NCKAP5: variants seen among roughly 807,000 people sequenced by gnomAD.
NCKAP5 encodes nck-associated protein 5.
Under a neutral mutation model 167.0 loss-of-function variants are expected in NCKAP5, and 92 were observed. The ratio of observed to expected loss-of-function variants is 0.55; its 90% CI spans 0.47 to 0.66. The LOEUF (loss-of-function observed/expected upper bound fraction) is 0.66. Among genes scored for constraint, NCKAP5 ranks in the 30% least tolerant of loss-of-function variants. NCKAP5 has a pLI of 0.00. For synonymous variants in NCKAP5, 891 were observed against 877.4 expected, an observed-to-expected ratio of 1.02 and a Z score of -0.27; for missense variants, 2,378 against 2,315.0, an observed-to-expected ratio of 1.03 and a Z score of -0.56.
At chr2:133,068,344 A>C (rs2080270441) in intron 6 of NCKAP5, among the ~76,000 whole-genome samples, 1 of 152,218 alleles carries the variant, frequency 6.6e-6, no homozygotes, top group Non-Finnish European at 1.5e-5. Context: ...TGGCCATGTG[A>C]AATTACACAT....
intron 11 of NCKAP5, among the ~76,000 whole-genome samples, chr2:132,814,607 G>A (rs1454565095): frequency 1.3e-5 from 2 of 152,066 alleles, no homozygotes; most frequent in Non-Finnish European, 2.9e-5. Flanking sequence ...GCAGGTTTCT[G>A]TTTCAGGCAT....
rs146025412 is a variant in NCKAP5 at position 133,339,282 on chromosome 2, C to T, written c.70-36172G>A. On this transcript the variant is annotated intron_variant, in intron 3 of 19. Coordinates refer to ENST00000409261, the MANE Select transcript of NCKAP5 (RefSeq NM_207363.3). ...TAGAAATAATGAGAAGTTTATGGAA[C>T]TTTTTCTCTTTTGATCTTTAAAAAG... is the stretch of plus-strand genomic sequence containing the variant. Among the ~76,000 whole-genome samples the T allele has an allele frequency of 7.5e-3, 1,134 of 152,026 alleles. 16 individuals are homozygous for T. Among genetic ancestry groups the T allele is most frequent in the African/African-American group, 0.024 (984 of 41,474 alleles).
chr2:133,257,423 A>T (rs1010004999), intron 4 of NCKAP5, among the ~76,000 whole-genome samples: 1 of 152,210 alleles, frequency 6.6e-6, no homozygotes, highest in African/African-American at 2.4e-5. Context: ...CAGAGAACAA[A>T]TGAGTTATTA....
At position 133,519,837 on chromosome 2, in the gene NCKAP5, C is replaced by T. The variant is rs528793690; in HGVS notation, c.-61-2250G>A. On this transcript the variant is annotated intron_variant, in intron 2 of 19. Coordinates refer to ENST00000409261, the MANE Select transcript of NCKAP5 (RefSeq NM_207363.3). ...GGCATATAGAAAACAAGCAAACAAA[C>T]AGCTCTAAACTGTGGTAGGTACAGT... is the stretch of plus-strand genomic sequence containing the variant. Among the ~76,000 whole-genome samples, 12 of 152,256 alleles carry T rather than the reference C, an allele frequency of 7.9e-5. 1 individual carries two copies. In the South Asian group the frequency reaches 2.5e-3, roughly 32 times the overall value.
At chr2:133,551,413 A>G (rs1687281954) in intron 2 of NCKAP5, among the ~76,000 whole-genome samples, 2 of 121,124 alleles carry the variant, frequency 1.7e-5, no homozygotes, top group South Asian at 6.1e-4. Flanking sequence ...TCAATGGAAC[A>G]GAACAGAGCC....
intron 6 of NCKAP5, among the ~76,000 whole-genome samples, chr2:133,052,543 A>G (rs2079641659): frequency 6.6e-6 from 1 of 151,688 alleles, no homozygotes; most frequent in Non-Finnish European, 1.5e-5. Flanking sequence ...AATGGCGAAA[A>G]CTCATCTCTA....
intron 6 of NCKAP5, among the ~76,000 whole-genome samples, chr2:133,119,863 AT>A (rs1336778844): frequency 6.6e-6 from 1 of 151,562 alleles, no homozygotes; most frequent in Non-Finnish European, 1.5e-5. Flanking sequence ...ATTAATATAT[AT>A]GATTCGATAT....
At chr2:132,793,794 G>A (rs1684265594) in intron 12 of NCKAP5, among the ~76,000 whole-genome samples, 1 of 152,124 alleles carries the variant, frequency 6.6e-6, no homozygotes, top group Non-Finnish European at 1.5e-5. Flanking sequence ...AAGAAGAGGA[G>A]GCGGCCACTC....
chr2:132,893,356 TG>T (rs1444234532), intron 8 of NCKAP5, among the ~76,000 whole-genome samples: 1 of 152,184 alleles, frequency 6.6e-6, no homozygotes, highest in Non-Finnish European at 1.5e-5. Flanking sequence ...GGTGTACACA[TG>T]GGTTCACAGC....
At chr2:133,673,405 C>T in the NCKAP5 span, among the ~76,000 whole-genome samples, 8 of 152,102 alleles carry the variant, frequency 5.3e-5, no homozygotes, top group African/African-American at 1.9e-4. Context: ...AAGCTTTCTG[C>T]GTTCACACAT....
intron 8 of NCKAP5, among the ~76,000 whole-genome samples, chr2:132,910,554 A>G (rs1694364666): frequency 1.3e-5 from 2 of 152,198 alleles, no homozygotes; most frequent in Non-Finnish European, 2.9e-5. Context: ...TTCACTTAAC[A>G]TAATCACCTC....
chr2:132,923,410 G>A (rs1228003984), intron 8 of NCKAP5, among the ~76,000 whole-genome samples: 1 of 152,190 alleles, frequency 6.6e-6, no homozygotes, highest in Non-Finnish European at 1.5e-5. Context: ...GCACCAGATT[G>A]CCAAACAGCC....
At chr2:133,647,274 C>T in the NCKAP5 span, among the ~76,000 whole-genome samples, 1 of 150,516 alleles carries the variant, frequency 6.6e-6, no homozygotes, top group Non-Finnish European at 1.5e-5. Context: ...GAATTAGATG[C>T]TGCAATGAGC....
At chr2:132,881,488 C>T (rs1280997592) in intron 8 of NCKAP5, among the ~76,000 whole-genome samples, 3 of 151,030 alleles carry the variant, frequency 2.0e-5, no homozygotes, top group Non-Finnish European at 4.4e-5. Context: ...AATAGTTTGT[C>T]TTTTTATGTT....
intron 8 of NCKAP5, among the ~76,000 whole-genome samples, chr2:132,950,850 A>G (rs192210861): frequency 5.9e-5 from 9 of 152,276 alleles, no homozygotes; most frequent in Admixed American, 5.9e-4. Context: ...GATTACCAAA[A>G]CCAATTTGAC....
chr2:132,770,491 T>C (rs1681942082), intron 16 of NCKAP5, among the ~76,000 whole-genome samples: 1 of 149,944 alleles, frequency 6.7e-6, no homozygotes, highest in Admixed American at 6.7e-5. Flanking sequence ...ATTATTTATG[T>C]AATGGATTGT....
intron 3 of NCKAP5, among the ~76,000 whole-genome samples, chr2:133,423,447 CT>C (rs1245198658): frequency 2.0e-5 from 3 of 151,536 alleles, no homozygotes; most frequent in South Asian, 2.1e-4. Flanking sequence ...CAAGCCTGTT[CT>C]TTTTTTTTAA....
chr2:132,855,549 C>T (rs1574430712), intron 11 of NCKAP5, among the ~76,000 whole-genome samples: 1 of 152,178 alleles, frequency 6.6e-6, no homozygotes, highest in South Asian at 2.1e-4. Context: ...GAACTTATAT[C>T]CCAACAGCGT....
Position 133,334,641 on chromosome 2 carries a change from T to G in NCKAP5, c.70-31531A>C, listed in dbSNP as rs936964545. 5.3e-5 allele frequency among the ~76,000 whole-genome samples: 8 copies of G among 152,254 alleles called. 1 individual carries two copies. The South Asian group carries it at 1.5e-3, about 28-fold the overall frequency. On this transcript the variant is annotated intron_variant, in intron 3 of 19. Transcript: ENST00000409261. Reference sequence around the variant, plus strand: ...ATATGCATATAAAAAGAATTTCCTTTTATTGAGTATATGTAGATTGGGCTT... The same window carrying G: ...ATATGCATATAAAAAGAATTTCCTTGTATTGAGTATATGTAGATTGGGCTT...
Sources: gnomAD v4.1 joint callset for allele counts (sites outside exome capture counted in the v4.1 genomes callset) on GRCh38, gnomAD v4.1.1 for gene constraint, MANE v1.5 for transcripts, NCBI Gene and HGNC (gene_info 2026-07-23, HGNC 2026-07-21) for gene names.